Variants in MROH1 observed in about 807,000 individuals in gnomAD.
The protein encoded by MROH1 is maestro heat like repeat family member 1.
In MROH1, 117 loss-of-function variants were observed where a neutral mutation model predicts 116.5. The observed-to-expected ratio is 1.00, with a 90% CI of 0.86 to 1.17. The LOEUF (loss-of-function observed/expected upper bound fraction) is 1.17, where lower values mean the gene tolerates loss of function less well. MROH1 is among the 50% of genes most tolerant of loss of function. MROH1 has a pLI of 0.00. For missense variants in MROH1, 1,873 were observed against 1,338.5 expected, an observed-to-expected ratio of 1.40 and a Z score of -6.23; for synonymous variants, 921 against 583.9, an observed-to-expected ratio of 1.58 and a Z score of -8.32.
At chr8:144,214,496 A>G (rs1489871387) in intron 12 of MROH1, 1 of 152,032 alleles carries the variant, frequency 6.6e-6, no homozygotes, top group Non-Finnish European at 1.5e-5. Flanking sequence ...TTGCAGGTAA[A>G]CCCCGGTGCA....
intron 12 of MROH1, among the ~76,000 whole-genome samples, chr8:144,207,862 G>A (rs887065372): frequency 4.6e-5 from 7 of 151,718 alleles, no homozygotes; most frequent in African/African-American, 1.7e-4. Flanking sequence ...GTTTGAGCTT[G>A]CAAATTTATG....
At chr8:144,216,523 C>G (rs979095265) in intron 12 of MROH1, among the ~76,000 whole-genome samples, 3 of 152,028 alleles carry the variant, frequency 2.0e-5, no homozygotes, top group African/African-American at 7.3e-5. Flanking sequence ...GCCATCAGTA[C>G]TCAACAGTCT....
intron 29 of MROH1, among the ~76,000 whole-genome samples, chr8:144,246,429 C>T (rs1479777259): frequency 3.9e-5 from 6 of 152,026 alleles, no homozygotes; most frequent in African/African-American, 9.7e-5. Context: ...CGCGCCCTGC[C>T]GAAACTTTCA....
chr8:144,232,905 C>T (rs1206392791), intron 14 of MROH1, among the ~76,000 whole-genome samples: 2 of 151,802 alleles, frequency 1.3e-5, no homozygotes, highest in African/African-American at 4.8e-5. Flanking sequence ...TGGCTTACTG[C>T]AGCCTCAACC....
At position 144,207,023 on chromosome 8, in the gene MROH1, A is replaced by C. The variant is rs552013059; in HGVS notation, c.1141+6482A>C. Among the ~76,000 whole-genome samples the C allele has an allele frequency of 2.7e-4, 41 of 151,636 alleles. 2 individuals are homozygous for C. In the South Asian group the frequency reaches 8.6e-3, roughly 32 times the overall value. ...GCTCCAGCCTGGGCGACAGAGCGAGATTCTGTCTCAATTAAAAGAGAGAGA... is the reference window on the plus strand; with the variant it reads ...GCTCCAGCCTGGGCGACAGAGCGAGCTTCTGTCTCAATTAAAAGAGAGAGA... On this transcript the variant is annotated intron_variant, in intron 12 of 43. Transcript: ENST00000326134.
chr8:144,245,063 T>G, intron 28 of MROH1, 93 bp from the exon 29 acceptor site: 1 of 772,090 alleles, frequency 1.3e-6, no homozygotes, highest in Non-Finnish European at 2.4e-6. Flanking sequence ...AAGGATGGCC[T>G]GGCAGGGACA....
At chr8:144,212,283 C>G (rs993718167) in intron 12 of MROH1, among the ~76,000 whole-genome samples, 1 of 152,158 alleles carries the variant, frequency 6.6e-6, no homozygotes, top group East Asian at 1.9e-4. Context: ...TGGGGTCTCA[C>G]TATGTTGCCC....
Position 144,182,039 on chromosome 8 carries a change from G to C in MROH1, c.562+1516G>C, listed in dbSNP as rs923127777. ...AGCGAAGATTCCATGGGACCTCCTC[G>C]TGTGGGACGTGTGCTCCCCACCACA... is the stretch of plus-strand genomic sequence containing the variant. On this transcript the variant is annotated intron_variant, in intron 7 of 43. Coordinates refer to ENST00000326134, the MANE Select transcript of MROH1 (RefSeq NM_032450.3). This position sits in a 1 kb window ranked among gnomAD's most constrained non-coding sequence, Gnocchi z 4.1. Among the ~76,000 whole-genome samples, 1 of 152,178 alleles carries C rather than the reference G, an allele frequency of 6.6e-6. No homozygotes were observed. Among genetic ancestry groups the C allele is most frequent in the Non-Finnish European group, 1.5e-5 (1 of 68,018 alleles).
chr8:144,259,307 A>T lies in MROH1; in HGVS notation c.3997A>T (p.Ser1333Cys). 1.4e-6 allele frequency: 1 copy of T among 715,132 alleles called. No homozygotes were observed. The highest frequency in any genetic ancestry group is 1.5e-5 in the South Asian group (1 of 67,508). The allele number at this position is 715,132 out of a possible 1,614,324, so 44.3% of individuals were successfully genotyped here. A position where few individuals can be genotyped will look rare whatever the true frequency, so the allele number is the denominator to read the frequency against. Residue 1333 changes from serine to cysteine, a missense_variant, in exon 37 of 44, where the codon AGT (serine) becomes TGT (cysteine). By Grantham distance (112) the Ser-to-Cys change is moderately radical (BLOSUM62 -1). Coordinates refer to ENST00000326134, the MANE Select transcript of MROH1 (RefSeq NM_032450.3). ...GAAGACGCTGGCATGCACACACAGC[A>T]GTGCGTATGAGAACCAGAGGGTGAC... is the stretch of plus-strand genomic sequence containing the variant. The part of the protein sequence containing the change: ...VLKTLACTHS[S>C]AYENQRVTTT...
Position 144,240,128 on chromosome 8 carries a change from A to G in MROH1, c.1802A>G (p.Glu601Gly). The G allele has an allele frequency of 1.3e-6, 1 of 778,796 alleles. No homozygotes were observed. The highest frequency in any genetic ancestry group is 2.4e-5 in the East Asian group (1 of 41,198). 48.2% of individuals were successfully genotyped at this position (778,796 alleles called of 1,614,324 possible). Reference protein sequence around the residue: ...DEHTEETLPQEEWEEKLLMFL... With the variant: ...DEHTEETLPQGEWEEKLLMFL... ...CACACAGAAGAGACCCTGCCACAGG[A>G]GGAGTGGGAGGAGAAGCTGTTGATG... Residue 601 changes from glutamate to glycine, a missense_variant, in exon 19 of 44, where the codon GAG becomes GGG. Coordinates refer to ENST00000326134, the MANE Select transcript of MROH1 (RefSeq NM_032450.3).
intron 12 of MROH1, among the ~76,000 whole-genome samples, chr8:144,203,845 T>C (rs796471128): frequency 4.6e-5 from 7 of 152,292 alleles, no homozygotes; most frequent in African/African-American, 1.7e-4. Flanking sequence ...AGATGGGTTT[T>C]TCCATTCAGA....
At chr8:144,228,582 G>T (rs1041684475) in intron 14 of MROH1, among the ~76,000 whole-genome samples, 1 of 152,120 alleles carries the variant, frequency 6.6e-6, no homozygotes, top group African/African-American at 2.4e-5. Context: ...CCCTGCCTCA[G>T]CCTCCCAAGT....
At chr8:144,248,311 AAAAG>A (rs1842255240) in intron 31 of MROH1, among the ~76,000 whole-genome samples, 1 of 152,184 alleles carries the variant, frequency 6.6e-6, no homozygotes, top group African/African-American at 2.4e-5. Flanking sequence ...GGGGGGGAAA[AAAAG>A]AGTCCTTCCA....
intron 25 of MROH1, 43 bp from the exon 26 acceptor site, chr8:144,243,820 G>A (rs1436152706): frequency 3.9e-6 from 3 of 759,814 alleles, no homozygotes; most frequent in Admixed American, 3.6e-5. Context: ...GAGGAGAGCT[G>A]GCGTTTCCTC....
At chr8:144,173,315 C>CCAGGTTGGT (rs772005767) in intron 4 of MROH1, among the ~76,000 whole-genome samples, 51 of 151,688 alleles carry the variant, frequency 3.4e-4, no homozygotes, top group Non-Finnish European at 5.6e-4. Flanking sequence ...GCCATGTTGG[C>CCAGGTTGGT]CAGGTTGGTC....
At chr8:144,208,144 A>G (rs1833269681) in intron 12 of MROH1, among the ~76,000 whole-genome samples, 1 of 152,072 alleles carries the variant, frequency 6.6e-6, no homozygotes, top group African/African-American at 2.4e-5. Flanking sequence ...GGATTTTGCC[A>G]TGTTGATCAG....
chr8:144,149,283 C>T (rs1347008041), intron 1 of MROH1, among the ~76,000 whole-genome samples: 4 of 152,236 alleles, frequency 2.6e-5, no homozygotes, highest in South Asian at 4.1e-4. Flanking sequence ...TCAGGGTCCC[C>T]GTGAACAGGT....
Position 144,239,372 on chromosome 8 carries a change from C to T in MROH1, c.1632+9C>T, listed in dbSNP as rs1380379319. ...TAACCGGAAGACTGTTGGTGAGCCT[C>T]GCCCTTTCACAGCGTGCCCAGCGCC... On this transcript the variant is annotated intron_variant, in intron 17 of 43. Coordinates refer to ENST00000326134, the MANE Select transcript of MROH1 (RefSeq NM_032450.3). The T allele has an allele frequency of 2.3e-5, 18 of 780,440 alleles. No individual in the cohort carries two copies. The highest frequency in any genetic ancestry group is 1.4e-4 in the Admixed American group (8 of 59,012). The allele number at this position is 780,440 out of a possible 1,614,324, so 48.3% of individuals were successfully genotyped here.
chr8:144,236,865 G>C (rs1159908202), intron 14 of MROH1, among the ~76,000 whole-genome samples: 1 of 144,402 alleles, frequency 6.9e-6, no homozygotes, highest in Non-Finnish European at 1.5e-5. Flanking sequence ...TTAGTTCTTT[G>C]GCCTCTGTTG....
Sources: gnomAD v4.1 joint callset for allele counts (sites outside exome capture counted in the v4.1 genomes callset) on GRCh38, gnomAD v4.1.1 for gene constraint, Gnocchi (gnomAD v3.1) non-coding constraint, MANE v1.5 for transcripts, NCBI Gene and HGNC (gene_info 2026-07-23, HGNC 2026-07-21) for gene names.